The following SEMA3D variants were observed in gnomAD, a reference collection of about 807,000 sequenced individuals.
SEMA3D encodes the protein semaphorin 3D.
A neutral mutation model predicts 100.1 loss-of-function variants in SEMA3D; 84 were observed. That is an observed-to-expected ratio of 0.84 (90% CI 0.70 to 1.01). The LOEUF (loss-of-function observed/expected upper bound fraction) is 1.01. Ranked by LOEUF, SEMA3D falls within the 50% of genes least tolerant of loss-of-function variation. The pLI is 0.00. For missense variants in SEMA3D, 875 were observed against 934.1 expected (o/e 0.94, Z 0.82); for synonymous variants, 312 against 320.7 (o/e 0.97, Z 0.29).
the SEMA3D span, among the ~76,000 whole-genome samples, chr7:85,202,198 T>A: frequency 1.0e-5 from 1 of 97,514 alleles, no homozygotes; most frequent in East Asian, 3.6e-4. Flanking sequence ...CCCAGTGCTA[T>A]CCCTCCCCCC....
the SEMA3D span, among the ~76,000 whole-genome samples, chr7:85,223,148 A>C: frequency 6.6e-6 from 1 of 152,140 alleles, no homozygotes; most frequent in Non-Finnish European, 1.5e-5. Flanking sequence ...CAATTAAAAA[A>C]AAATAGATGT....
chr7:85,012,807 G>A lies in SEMA3D; in HGVS notation c.1743C>T (p.Ile581=). 1 of 1,610,620 alleles carries A rather than the reference G, an allele frequency of 6.2e-7. No individual in the cohort carries two copies. Among genetic ancestry groups the A allele is most frequent in the Non-Finnish European group, 8.5e-7 (1 of 1,177,660 alleles). ...TGTCTTCGATGTCCCAGCACTGGGT[G>A]ATTGGGTCGCCATATTTTACATCTT... ...RRQDVKYGDP[I]TQCWDIEDSI... is the part of the protein sequence containing the mutation. The change falls in exon 17 of 19, where the codon ATC becomes ATT. Residue 581 remains isoleucine, a synonymous_variant. Transcript: ENST00000284136.
intron 2 of SEMA3D, among the ~76,000 whole-genome samples, chr7:85,148,653 T>G (rs1562835462): frequency 6.6e-6 from 1 of 152,172 alleles, no homozygotes; most frequent in Non-Finnish European, 1.5e-5. Flanking sequence ...GAAGATATAG[T>G]TATCTTCTCA....
At chr7:85,088,288 T>C (rs1003026835) in intron 4 of SEMA3D, among the ~76,000 whole-genome samples, 3 of 152,146 alleles carry the variant, frequency 2.0e-5, no homozygotes, top group Non-Finnish European at 4.4e-5. Context: ...GAAATTCTAA[T>C]TATATCTGCT....
At chr7:85,104,804 G>A (rs1023764476) in intron 3 of SEMA3D, among the ~76,000 whole-genome samples, 97 of 150,948 alleles carry the variant, frequency 6.4e-4, no homozygotes, top group Admixed American at 1.6e-3. Flanking sequence ...GAAAAGAAAA[G>A]AAAAAAAATG....
At chr7:85,203,956 G>T in the SEMA3D span, among the ~76,000 whole-genome samples, 43 of 152,010 alleles carry the variant, frequency 2.8e-4, no homozygotes, top group Admixed American at 2.0e-4. Flanking sequence ...ATATTCCAAG[G>T]TAACAAAGAT....
intron 11 of SEMA3D, 116 bp from the exon 12 acceptor site, chr7:85,037,149 A>T (rs1402200210): frequency 1.1e-6 from 1 of 929,038 alleles, no homozygotes; most frequent in Non-Finnish European, 1.6e-6. Context: ...ATTAAATTTG[A>T]TGGGTACTGT....
intron 2 of SEMA3D, among the ~76,000 whole-genome samples, chr7:85,147,873 G>T (rs1178737090): frequency 2.6e-5 from 4 of 151,968 alleles, no homozygotes; most frequent in East Asian, 1.9e-4. Flanking sequence ...CCAACTCCCT[G>T]CCTCATCTCC....
intron 3 of SEMA3D, among the ~76,000 whole-genome samples, chr7:85,114,601 T>A (rs1281458582): frequency 6.6e-6 from 1 of 152,160 alleles, no homozygotes; most frequent in Admixed American, 6.5e-5. Flanking sequence ...AGGATTTCTA[T>A]CCTGCATTCA....
intron 3 of SEMA3D, among the ~76,000 whole-genome samples, chr7:85,102,722 G>A (rs1158065093): frequency 6.6e-6 from 1 of 152,024 alleles, no homozygotes; most frequent in Non-Finnish European, 1.5e-5. Flanking sequence ...CTGAAACATG[G>A]TGAATCCCTG....
Position 85,040,700 on chromosome 7 carries a change from A to G in SEMA3D, c.1019T>C (p.Val340Ala). 6.1e-6 allele frequency: 9 copies of G among 1,480,476 alleles called. No individual in the cohort carries two copies. Among genetic ancestry groups the G allele is most frequent in the Non-Finnish European group, 6.6e-6 (7 of 1,060,878 alleles). 91.7% of individuals were successfully genotyped at this position (1,480,476 alleles called of 1,614,324 possible). A position where few individuals can be genotyped will look rare whatever the true frequency, so the allele number is the denominator to read the frequency against. ...GGTTGTAGTAAAGACTCCATATACT[A>G]CAGGATTTCTTTCATCTCTTGTGGG... ...LLPTRDERNPVVYGVFTTTSS... is the reference protein window; with the variant it reads ...LLPTRDERNPAVYGVFTTTSS... Residue 340 changes from valine to alanine, a missense_variant, in exon 11 of 19, where the codon GTA (valine) becomes GCA (alanine). Transcript: ENST00000284136.
chr7:85,120,574 G>A (rs145725672), intron 3 of SEMA3D, among the ~76,000 whole-genome samples: 1,522 of 151,320 alleles, frequency 0.01, 25 homozygotes, highest in African/African-American at 0.035. Flanking sequence ...AGGCTGAGGT[G>A]GGAGAGTCGC....
the SEMA3D span, among the ~76,000 whole-genome samples, chr7:85,193,041 C>G: frequency 5.3e-5 from 8 of 152,088 alleles, no homozygotes; most frequent in African/African-American, 1.9e-4. Flanking sequence ...ATGTAAGGAG[C>G]TTAGCGGCCA....
At chr7:85,023,542 AGAG>A (rs1433204274) in intron 12 of SEMA3D, among the ~76,000 whole-genome samples, 1 of 151,922 alleles carries the variant, frequency 6.6e-6, no homozygotes, top group African/African-American at 2.4e-5. Context: ...ATGCAGTCAT[AGAG>A]AATAAAATGA....
At chr7:85,004,149 A>G (rs1346796882) in intron 18 of SEMA3D, among the ~76,000 whole-genome samples, 5 of 152,038 alleles carry the variant, frequency 3.3e-5, no homozygotes, top group Admixed American at 3.3e-4. Flanking sequence ...AAAACATGGA[A>G]GTGACATTAA....
chr7:85,019,628 C>G (rs1226203944), intron 14 of SEMA3D, among the ~76,000 whole-genome samples: 2 of 151,618 alleles, frequency 1.3e-5, no homozygotes, highest in African/African-American at 4.8e-5. Context: ...ATGTTACAAT[C>G]AGCAAATAAT....
chr7:85,205,075 T>A, the SEMA3D span, among the ~76,000 whole-genome samples: 1 of 152,130 alleles, frequency 6.6e-6, no homozygotes, highest in Non-Finnish European at 1.5e-5. Context: ...TGCTAGTCAT[T>A]CATATGTCTT....
At position 85,174,466 on chromosome 7, in the gene SEMA3D, C is replaced by CAAA. The variant is rs200167009; in HGVS notation, c.-173+12209_-173+12211dup. On this transcript the variant is annotated intron_variant, in intron 1 of 18. Coordinates refer to ENST00000284136, the MANE Select transcript of SEMA3D (RefSeq NM_001384900.1). ...ATCCATAGTCCAAGTTGTCACAAGA[C>CAAA]AAAAAAACAGAGGCATTAGATTCTG... is the stretch of plus-strand genomic sequence containing the variant. Among the ~76,000 whole-genome samples, 59 of 151,730 alleles carry CAAA rather than the reference C, an allele frequency of 3.9e-4. No homozygotes were observed. The East Asian group carries it at 9.7e-3, about 25-fold the overall frequency.
intron 9 of SEMA3D, among the ~76,000 whole-genome samples, chr7:85,048,746 T>C (rs997947610): frequency 2.6e-5 from 4 of 151,846 alleles, no homozygotes; most frequent in African/African-American, 9.7e-5. Flanking sequence ...GCAAAAATAA[T>C]AATATGAATT....
Sources: gnomAD v4.1 joint callset for allele counts (sites outside exome capture counted in the v4.1 genomes callset) on GRCh38, gnomAD v4.1.1 for gene constraint, MANE v1.5 for transcripts, NCBI Gene and HGNC (gene_info 2026-07-23, HGNC 2026-07-21) for gene names.